CCAR2: variants seen among roughly 807,000 people sequenced by gnomAD.
CCAR2 encodes cell cycle and apoptosis regulator 2.
Under a neutral mutation model 108.1 loss-of-function variants are expected in CCAR2, and 21 were observed. That is an observed-to-expected ratio of 0.19 (90% CI 0.14 to 0.28). CCAR2 has a LOEUF of 0.28. CCAR2 is among the 10% of genes least tolerant of loss of function. CCAR2 has a pLI of 1.00. For missense variants in CCAR2, 1,126 were observed against 1,177.0 expected, an observed-to-expected ratio of 0.96 and a Z score of 0.63; for synonymous variants, 577 against 472.8, an observed-to-expected ratio of 1.22 and a Z score of -2.86.
chr8:22,615,082 T>C, intron 11 of CCAR2, 81 bp downstream of exon 11: 1 of 1,430,392 alleles, frequency 7.0e-7, no homozygotes, highest in South Asian at 1.4e-5. Flanking sequence ...TCCCTGCCCC[T>C]TTCTGCTGGT....
chr8:22,619,172 A>G lies in CCAR2; in HGVS notation c.2544A>G (p.Ser848=). The G allele has an allele frequency of 6.3e-7, 1 of 1,599,804 alleles. No homozygotes were observed. The highest frequency in any genetic ancestry group is 8.5e-7 in the Non-Finnish European group (1 of 1,173,486). ...LKLEESHNRF[S]ATEVTNKTLA... ...CAGAGGAGAGCCATAACCGTTTCTC[A>G]GCCACTGAAGTAACCAATAAGACGC... The change falls in exon 20 of 21, where the codon TCA becomes TCG. Residue 848 remains serine (S), a synonymous_variant. Transcript: ENST00000308511.
chr8:22,613,800 A>C (rs772382235), intron 8 of CCAR2: 15 of 377,512 alleles, frequency 4.0e-5, no homozygotes, highest in Non-Finnish European at 5.7e-5. Context: ...TTTCCGTTTT[A>C]GGCTTTTGAA....
intron 18 of CCAR2, 32 bp downstream of exon 18, chr8:22,618,760 G>A (rs6558169): frequency 0.051 from 81,832 of 1,613,252 alleles, 5,726 homozygotes; most frequent in African/African-American, 0.34. Flanking sequence ...CCTTCCTGGG[G>A]CACGGGCAGG....
Position 22,618,390 on chromosome 8 carries a change from T to C in CCAR2, c.2115T>C (p.Cys705=). The change falls in exon 17 of 21, where the codon TGT becomes TGC. Residue 705 remains cysteine, a synonymous_variant. Coordinates refer to ENST00000308511, the MANE Select transcript of CCAR2 (RefSeq NM_001393997.1). Reference sequence around the variant, plus strand: ...CCTCTGCTGTGCTCCCCTTAGACTGTCTGCTTGCTTTTGTGTTCTTTGATG... The same window carrying C: ...CCTCTGCTGTGCTCCCCTTAGACTGCCTGCTTGCTTTTGTGTTCTTTGATG... The part of the protein sequence containing the change: ...LDPSAVLPLD[C]LLAFVFFDAN... The C allele has an allele frequency of 1.9e-6, 3 of 1,614,212 alleles. No individual in the cohort carries two copies. The East Asian group carries it at 6.7e-5, about 36-fold the overall frequency.
chr8:22,612,408 C>T (rs1453285080), intron 7 of CCAR2, among the ~76,000 whole-genome samples: 1 of 152,012 alleles, frequency 6.6e-6, no homozygotes, highest in Non-Finnish European at 1.5e-5. Context: ...GCTGGGACTG[C>T]AGGCACGCAC....
At chr8:22,605,352 C>T in intron 1 of CCAR2, 1 of 167,884 alleles carries the variant, frequency 6.0e-6, no homozygotes, top group Middle Eastern at 2.9e-3. Context: ...AGCCCCTCAC[C>T]CCGCCAGCTA....
chr8:22,609,467 G>T (rs1159143882), intron 7 of CCAR2, among the ~76,000 whole-genome samples: 2 of 152,194 alleles, frequency 1.3e-5, no homozygotes, highest in African/African-American at 4.8e-5. Context: ...TGAATTCTAA[G>T]TAGGGGGAAG....
chr8:22,610,257 A>C (rs192940748), intron 7 of CCAR2, among the ~76,000 whole-genome samples: 1 of 152,296 alleles, frequency 6.6e-6, no homozygotes, highest in African/African-American at 2.4e-5. Flanking sequence ...CTCAGCTTTT[A>C]ATTTATGAAG....
At chr8:22,606,771 C>A (rs1563904322) in intron 4 of CCAR2, 73 bp downstream of exon 4, 1 of 1,467,528 alleles carries the variant, frequency 6.8e-7, no homozygotes, top group Non-Finnish European at 9.5e-7. Flanking sequence ...GTATTGCCCC[C>A]ACCCGCCTCA....
chr8:22,618,330 A>C lies in CCAR2; in HGVS notation c.2074-19A>C. 2 of 1,614,042 alleles carry C rather than the reference A, an allele frequency of 1.2e-6. No homozygotes were observed. The highest frequency in any genetic ancestry group is 1.7e-6 in the Non-Finnish European group (2 of 1,179,914). On this transcript the variant is annotated intron_variant, in intron 16 of 20. Transcript: ENST00000308511. ...AGGGAACTATTTGCAAATCCTGCTCATCTTTGTTTTCTTTGCAGCCCAAGG... is the reference window on the plus strand; with the variant it reads ...AGGGAACTATTTGCAAATCCTGCTCCTCTTTGTTTTCTTTGCAGCCCAAGG...
chr8:22,608,124 T>C lies in CCAR2; in HGVS notation c.584+59T>C, dbSNP rs1192601054. The stretch of plus-strand genomic sequence containing the variant: ...GTTGACACTAACATTCTCTTTATTT[T>C]ATTATTATTTTTTTGTGTTGGCCAG... On this transcript the variant is annotated intron_variant, in intron 7 of 20. Coordinates refer to ENST00000308511, the MANE Select transcript of CCAR2 (RefSeq NM_001393997.1). 6 of 1,361,428 alleles carry C rather than the reference T, an allele frequency of 4.4e-6. No individual in the cohort carries two copies. The East Asian group carries it at 1.4e-4, about 31-fold the overall frequency. The allele number at this position is 1,361,428 out of a possible 1,614,324, so 84.3% of individuals were successfully genotyped here. A position where few individuals can be genotyped will look rare whatever the true frequency, so the allele number is the denominator to read the frequency against.
rs1429204596 is a variant in CCAR2 at position 22,615,750 on chromosome 8, AGAAACTCCAGAGGCCACCACACAGCAG to A, written c.1452_1478del (p.Pro485_Thr493del). 1.2e-6 allele frequency: 2 copies of A among 1,613,744 alleles called. No individual in the cohort carries two copies. The highest frequency in any genetic ancestry group is 2.7e-5 in the African/African-American group (2 of 74,906). On this transcript the variant is annotated inframe_deletion, in exon 13 of 21. Coordinates refer to ENST00000308511, the MANE Select transcript of CCAR2 (RefSeq NM_001393997.1). ...CAGCAGACACTTCTAGACGGAACGC[AGAAACTCCAGAGGCCACCACACAGCAG>A]GAAACGGACACTGATCTCCCAGAGG...
At chr8:22,605,686 G>A in intron 1 of CCAR2, 50 bp from the exon 2 acceptor site, 1 of 1,124,806 alleles carries the variant, frequency 8.9e-7, no homozygotes. Context: ...TCCGGGTATA[G>A]ATGGAAATTT....
rs1255900922 is a variant in CCAR2, at chr8:22,617,450, T to C, written c.1876T>C (p.Ser626Pro). 8.2e-6 allele frequency: 13 copies of C among 1,579,716 alleles called. No homozygotes were observed. The highest frequency in any genetic ancestry group is 2.2e-5 in the East Asian group (1 of 44,572). ...GGATGGGCTTTTGCCCAAACCACTC[T>C]CTTCTGGGGGAGAGGAAGAAGAAAA... is the stretch of plus-strand genomic sequence containing the variant. ...KEDGLLPKPL[S>P]SGGEEEEKPR... Residue 626 changes from serine to proline, a missense_variant, in exon 15 of 21, where the codon TCT (serine) becomes CCT (proline). Physicochemically the swap from Ser to Pro is moderately conservative, Grantham distance 74. Coordinates refer to ENST00000308511, the MANE Select transcript of CCAR2 (RefSeq NM_001393997.1).
chr8:22,607,958 C>G lies in CCAR2; in HGVS notation c.488-11C>G, dbSNP rs375843073. 6.2e-7 allele frequency: 1 copy of G among 1,612,546 alleles called. No homozygotes were observed. The highest frequency in any genetic ancestry group is 1.3e-5 in the African/African-American group (1 of 74,954). ...AGGGTTTTTGAGTCACCAGTCATTT[C>G]CTTTCTGCAGCTCTGAGTCTCTTCC... On this transcript the variant is annotated splice_polypyrimidine_tract_variant and intron_variant, in intron 6 of 20. Coordinates refer to ENST00000308511, the MANE Select transcript of CCAR2 (RefSeq NM_001393997.1).
intron 14 of CCAR2, chr8:22,616,449 C>G (rs1002963780): frequency 5.1e-6 from 3 of 593,162 alleles, no homozygotes; most frequent in South Asian, 2.1e-5. Context: ...GGCTGAGCAG[C>G]CTGACAGCAC....
chr8:22,608,172 T>C (rs971465594), intron 7 of CCAR2, 107 bp downstream of exon 7: 10 of 844,700 alleles, frequency 1.2e-5, no homozygotes, highest in Non-Finnish European at 1.9e-5. Context: ...GGTCAACTGC[T>C]TGGAAGGTGG....
rs756492064 is a variant in CCAR2, at chr8:22,613,065, C to T, written c.633C>T (p.Pro211=). The change falls in exon 8 of 21, where the codon CCC becomes CCT. Residue 211 remains proline (P), a synonymous_variant. Transcript: ENST00000308511. ...KKRKQRAGGE[P]WGAKKPRHDL... is the part of the protein sequence containing the mutation. Reference sequence around the variant, plus strand: ...GCAAACAGCGGGCTGGTGGAGAGCCCTGGGGTGCTAAGAAGCCAAGGCATG... The same window carrying T: ...GCAAACAGCGGGCTGGTGGAGAGCCTTGGGGTGCTAAGAAGCCAAGGCATG... 26 of 1,613,216 alleles carry T rather than the reference C, an allele frequency of 1.6e-5. No individual in the cohort carries two copies. The South Asian group carries it at 2.7e-4, about 17-fold the overall frequency.
At position 22,616,194 on chromosome 8, in the gene CCAR2, G is replaced by T. The variant is rs780228847; in HGVS notation, c.1791G>T (p.Glu597Asp). Residue 597 changes from glutamate (E) to aspartate (D), a missense_variant, in exon 14 of 21, where the codon GAG (glutamate) becomes GAT (aspartate). Around this residue, in one of 4 missense-constraint regions of CCAR2, gnomAD observed 1,013 missense variants for 993.9 expected, o/e 1.02. Transcript: ENST00000308511. ...EEAIKEEVVK[E>D]PKDEAQNEGP... ...CCATCAAAGAGGAGGTGGTCAAGGA[G>T]CCCAAGGATGAGGCACAGAATGAGG... 4 of 1,613,848 alleles carry T rather than the reference G, an allele frequency of 2.5e-6. No homozygotes were observed. The highest frequency in any genetic ancestry group is 1.7e-6 in the Non-Finnish European group (2 of 1,179,990).
Sources: gnomAD v4.1 joint callset for allele counts (sites outside exome capture counted in the v4.1 genomes callset) on GRCh38, gnomAD v4.1.1 for gene constraint, gnomAD v4.1.1 regional missense constraint, MANE v1.5 for transcripts, NCBI Gene and HGNC (gene_info 2026-07-23, HGNC 2026-07-21) for gene names.